HK2: variants seen among roughly 807,000 people sequenced by gnomAD.
The protein encoded by HK2 is hexokinase-2.
A neutral mutation model predicts 92.9 loss-of-function variants in HK2; 42 were observed. The observed-to-expected ratio is 0.45, with a 90% CI of 0.35 to 0.58. The LOEUF (loss-of-function observed/expected upper bound fraction) is 0.58, where lower values mean the gene tolerates loss of function less well. HK2 is among the 20% of genes least tolerant of loss of function. The pLI, the probability that HK2 is intolerant of heterozygous loss-of-function variation, is 0.00. For synonymous variants in HK2, 422 were observed against 468.0 expected (o/e 0.90, Z 1.27); for missense variants, 978 against 1,245.1 (o/e 0.79, Z 3.23).
chr2:74,876,256 C>G (rs1689230659), intron 7 of HK2, among the ~76,000 whole-genome samples: 1 of 152,174 alleles, frequency 6.6e-6, no homozygotes, highest in Non-Finnish European at 1.5e-5. Context: ...GAAAGGTAAC[C>G]TTGGAATCCC....
intron 2 of HK2, among the ~76,000 whole-genome samples, chr2:74,866,497 G>T (rs1157782457): frequency 6.6e-6 from 1 of 152,208 alleles, no homozygotes; most frequent in Non-Finnish European, 1.5e-5. Context: ...CCCTGCTGCA[G>T]GTTCCGCGCC....
chr2:74,882,284 T>G, intron 12 of HK2, 45 bp downstream of exon 12: 1 of 1,612,492 alleles, frequency 6.2e-7, no homozygotes, highest in Non-Finnish European at 8.5e-7. Context: ...CTTTATTGAC[T>G]CTAAACAAAA....
intron 1 of HK2, among the ~76,000 whole-genome samples, chr2:74,847,659 T>G (rs1247938806): frequency 6.6e-6 from 1 of 152,168 alleles, no homozygotes; most frequent in East Asian, 1.9e-4. Flanking sequence ...GAACCATGAT[T>G]GCGTCATTGC....
chr2:74,844,674 C>T (rs575171135), intron 1 of HK2, among the ~76,000 whole-genome samples: 1 of 152,116 alleles, frequency 6.6e-6, no homozygotes, highest in Non-Finnish European at 1.5e-5. Flanking sequence ...GATTCTGGTC[C>T]CTGGCCTGGG....
intron 1 of HK2, among the ~76,000 whole-genome samples, chr2:74,845,677 C>T (rs535535849): frequency 4.7e-4 from 72 of 152,338 alleles, no homozygotes; most frequent in African/African-American, 1.7e-3. Context: ...CTGGCATTGG[C>T]CTGAGGTGGC....
chr2:74,838,697 C>T (rs537220722), intron 1 of HK2, among the ~76,000 whole-genome samples: 2 of 151,496 alleles, frequency 1.3e-5, no homozygotes, highest in East Asian at 3.9e-4. Context: ...TGCCACCATG[C>T]CCGGGTATTT....
chr2:74,850,902 C>T (rs1456183689), intron 1 of HK2, among the ~76,000 whole-genome samples: 4 of 151,348 alleles, frequency 2.6e-5, no homozygotes, highest in Admixed American at 6.7e-5. Flanking sequence ...ATCATCATGC[C>T]CTGGTGCCAT....
intron 1 of HK2, among the ~76,000 whole-genome samples, chr2:74,852,283 G>A (rs1228690527): frequency 6.6e-6 from 1 of 152,228 alleles, no homozygotes; most frequent in Non-Finnish European, 1.5e-5. Flanking sequence ...CCTGAGATGT[G>A]AAAGTTGTAA....
At chr2:74,874,720 T>C (rs1027749531) in intron 7 of HK2, among the ~76,000 whole-genome samples, 2 of 152,224 alleles carry the variant, frequency 1.3e-5, no homozygotes, top group Non-Finnish European at 2.9e-5. Flanking sequence ...GTGGCCCTGC[T>C]CTTTCTTTCC....
chr2:74,867,543 A>G, intron 2 of HK2, 93 bp from the exon 3 acceptor site: 1 of 1,438,940 alleles, frequency 6.9e-7, no homozygotes, highest in Non-Finnish European at 9.8e-7. Context: ...CCTTACCCAC[A>G]GATATTCCTG....
chr2:74,870,304 C>T (rs924802891), intron 3 of HK2, among the ~76,000 whole-genome samples: 18 of 152,094 alleles, frequency 1.2e-4, no homozygotes, highest in African/African-American at 3.9e-4. Context: ...GCCACTGCGC[C>T]GGCCTGTTTT....
chr2:74,874,015 G>A lies in HK2; in HGVS notation c.691+72G>A, dbSNP rs545598678. The A allele has an allele frequency of 4.2e-6, 5 of 1,193,446 alleles. No homozygotes were observed. The East Asian group carries it at 7.1e-5, about 17-fold the overall frequency. The allele number at this position is 1,193,446 out of a possible 1,614,324, so 73.9% of individuals were successfully genotyped here. Reference sequence around the variant, plus strand: ...GGGTGTGGGCTGGAAAGGGAGAAGGGGCCCATGGGCTGGGTGTTCCTTTGT... The same window carrying A: ...GGGTGTGGGCTGGAAAGGGAGAAGGAGCCCATGGGCTGGGTGTTCCTTTGT... On this transcript the variant is annotated intron_variant, in intron 6 of 17. Coordinates refer to ENST00000290573, the MANE Select transcript of HK2 (RefSeq NM_000189.5).
intron 7 of HK2, among the ~76,000 whole-genome samples, chr2:74,875,013 G>A (rs568538862): frequency 6.6e-6 from 1 of 152,208 alleles, no homozygotes. Context: ...ATGGATTGGA[G>A]GAGGGGCGTC....
At chr2:74,835,541 C>T (rs1408357388) in intron 1 of HK2, among the ~76,000 whole-genome samples, 2 of 149,290 alleles carry the variant, frequency 1.3e-5, no homozygotes, top group Non-Finnish European at 3.0e-5. Context: ...GCGGCCGGGT[C>T]ATTTACATAA....
intron 3 of HK2, among the ~76,000 whole-genome samples, chr2:74,869,144 C>T (rs1238273385): frequency 6.6e-6 from 1 of 150,628 alleles, no homozygotes; most frequent in African/African-American, 2.4e-5. Flanking sequence ...ACTATGAGAC[C>T]CACCTTGAAG....
rs767373447 is a variant in HK2, at chr2:74,887,973, C to A, written c.2290C>A (p.Arg764Ser). 1 of 1,613,986 alleles carries A rather than the reference C, an allele frequency of 6.2e-7. No individual in the cohort carries two copies. Among genetic ancestry groups the A allele is most frequent in the African/African-American group, 1.3e-5 (1 of 75,034 alleles). ...TAACATTCTCATCGATTTCACCAAG[C>A]GTGGACTACTCTTCCGAGGCCGCAT... is the stretch of plus-strand genomic sequence containing the variant. ...VRNILIDFTK[R>S]GLLFRGRISE... The change falls in exon 16 of 18, where the codon CGT becomes AGT. Residue 764 changes from arginine (R) to serine (S), a missense_variant. Physicochemically the swap from Arg to Ser is moderately radical, Grantham distance 110 (BLOSUM62 -1). Coordinates refer to ENST00000290573, the MANE Select transcript of HK2 (RefSeq NM_000189.5).
Position 74,887,883 on chromosome 2 carries a change from G to A in HK2, c.2220-20G>A. The stretch of plus-strand genomic sequence containing the variant: ...CTCCACCTTCCTACTTAACCTCCAT[G>A]AATGTTACTTGCATTGCAGGTTCGA... On this transcript the variant is annotated intron_variant, in intron 15 of 17. Coordinates refer to ENST00000290573, the MANE Select transcript of HK2 (RefSeq NM_000189.5). 3 of 1,612,506 alleles carry A rather than the reference G, an allele frequency of 1.9e-6. No homozygotes were observed. Among genetic ancestry groups the A allele is most frequent in the Non-Finnish European group, 2.5e-6 (3 of 1,179,502 alleles).
intron 1 of HK2, among the ~76,000 whole-genome samples, chr2:74,842,705 C>T (rs1688343250): frequency 6.6e-6 from 1 of 152,240 alleles, no homozygotes; most frequent in African/African-American, 2.4e-5. Flanking sequence ...GCTTCTAAAA[C>T]CTTCTCTTTC....
At chr2:74,889,096 A>G (rs1689608334) in intron 16 of HK2, 149 bp from the exon 17 acceptor site, 1 of 715,836 alleles carries the variant, frequency 1.4e-6, no homozygotes, top group African/African-American at 1.7e-5. Context: ...AGTGGTCTGA[A>G]TTTAGGAATG....
Sources: gnomAD v4.1 joint callset for allele counts (sites outside exome capture counted in the v4.1 genomes callset) on GRCh38, gnomAD v4.1.1 for gene constraint, MANE v1.5 for transcripts, NCBI Gene and HGNC (gene_info 2026-07-23, HGNC 2026-07-21) for gene names.